The following LRRFIP1 variants were observed in gnomAD, a reference collection of about 807,000 sequenced individuals.
LRRFIP1 encodes LRR binding FLII interacting protein 1, also known as leucine-rich repeat flightless-interacting protein 1.
Under a neutral mutation model 104.4 loss-of-function variants are expected in LRRFIP1, and 62 were observed. The observed-to-expected ratio is 0.59, with a 90% CI of 0.48 to 0.73. The LOEUF (loss-of-function observed/expected upper bound fraction) is 0.73, where lower values mean the gene tolerates loss of function less well. Among genes scored for constraint, LRRFIP1 ranks in the 30% least tolerant of loss-of-function variants. LRRFIP1 has a pLI of 0.00. For synonymous variants in LRRFIP1, 300 were observed against 299.0 expected, an observed-to-expected ratio of 1.00 and a Z score of -0.03; for missense variants, 796 against 824.5, an observed-to-expected ratio of 0.97 and a Z score of 0.42.
intron 1 of LRRFIP1, among the ~76,000 whole-genome samples, chr2:237,701,975 C>T (rs1225518556): frequency 1.3e-5 from 2 of 152,130 alleles, no homozygotes; most frequent in Admixed American, 6.5e-5. Flanking sequence ...TGCCTATCTC[C>T]CCAGCTGGCC....
intron 19 of LRRFIP1, 70 bp downstream of exon 19, chr2:237,760,275 T>A: frequency 6.5e-7 from 1 of 1,546,768 alleles, no homozygotes. Flanking sequence ...CATGCACTGC[T>A]GGGGTTGGAG....
At chr2:237,752,784 A>G (rs892563) in intron 14 of LRRFIP1, among the ~76,000 whole-genome samples, 40,356 of 152,084 alleles carry the variant, frequency 0.27, 5,619 homozygotes, top group East Asian at 0.53. Context: ...TTTTCCTATG[A>G]GTCAAAAATC....
intron 1 of LRRFIP1, chr2:237,683,483 T>C (rs1022423062): frequency 6.6e-6 from 1 of 152,240 alleles, no homozygotes; most frequent in African/African-American, 2.4e-5. Context: ...TCTAAGATCT[T>C]CATTCTTCAA....
intron 23 of LRRFIP1, among the ~76,000 whole-genome samples, chr2:237,777,096 T>G (rs1050340906): frequency 6.6e-6 from 1 of 152,226 alleles, no homozygotes; most frequent in Non-Finnish European, 1.5e-5. Flanking sequence ...GAAGGACTTT[T>G]GAGCACTTTA....
chr2:237,708,038 C>G lies in LRRFIP1; in HGVS notation c.97-506C>G, dbSNP rs542001714. On this transcript the variant is annotated intron_variant, in intron 1 of 23. Coordinates refer to ENST00000308482, the MANE Select transcript of LRRFIP1 (RefSeq NM_001137550.2). ...GCCAGCCCTATGGCCTCAGATGGGT[C>G]TGGCAGCCTCTCCAGGCCTTCACTT... 2.6e-4 allele frequency among the ~76,000 whole-genome samples: 39 copies of G among 152,350 alleles called. No homozygotes were observed. In the South Asian group the frequency reaches 7.7e-3, roughly 30 times the overall value.
chr2:237,752,089 ACT>A (rs1427590009), intron 14 of LRRFIP1, among the ~76,000 whole-genome samples: 2 of 152,042 alleles, frequency 1.3e-5, no homozygotes, highest in Non-Finnish European at 2.9e-5. Flanking sequence ...GAAAAATAAG[ACT>A]CTGGCTTTCA....
intron 23 of LRRFIP1, among the ~76,000 whole-genome samples, chr2:237,775,976 TA>T (rs1457515549): frequency 6.6e-6 from 1 of 152,176 alleles, no homozygotes; most frequent in African/African-American, 2.4e-5. Context: ...TTTATTTATT[TA>T]TTTTTTTGAG....
At position 237,780,834 on chromosome 2, in the gene LRRFIP1, T is replaced by A. The variant is rs2061417287; in HGVS notation, c.*1302T>A. ...CAGCTGCGTTGCATTAAGAAAGAGA[T>A]GAAATCTCTATTAAAATACACAAGA... On this transcript the variant is annotated 3_prime_UTR_variant, in exon 24 of 24. Transcript: ENST00000308482. Among the ~76,000 whole-genome samples, 1 of 152,240 alleles carries A rather than the reference T, an allele frequency of 6.6e-6. No individual in the cohort carries two copies. The highest frequency in any genetic ancestry group is 2.4e-5 in the African/African-American group (1 of 41,470).
intron 1 of LRRFIP1, among the ~76,000 whole-genome samples, chr2:237,701,159 C>G (rs2093499603): frequency 6.6e-6 from 1 of 152,222 alleles, no homozygotes; most frequent in Non-Finnish European, 1.5e-5. Flanking sequence ...GCCCAGCGAG[C>G]CTCCCGCAGC....
chr2:237,639,331 G>A (rs957848669), intron 1 of LRRFIP1, among the ~76,000 whole-genome samples: 15 of 152,220 alleles, frequency 9.9e-5, no homozygotes, highest in African/African-American at 3.6e-4. Context: ...AATGGCTGTC[G>A]CTGTAAATAT....
At chr2:237,664,217 G>T (rs1047276691) in intron 1 of LRRFIP1, among the ~76,000 whole-genome samples, 1 of 152,244 alleles carries the variant, frequency 6.6e-6, no homozygotes, top group Non-Finnish European at 1.5e-5. Flanking sequence ...GGCTGGGGCC[G>T]CAGTGGGACT....
intron 6 of LRRFIP1, among the ~76,000 whole-genome samples, chr2:237,722,573 A>G (rs926927347): frequency 3.3e-5 from 5 of 152,180 alleles, no homozygotes; most frequent in African/African-American, 1.2e-4. Context: ...TTCCTATAGG[A>G]TGTTCACCAT....
intron 19 of LRRFIP1, among the ~76,000 whole-genome samples, chr2:237,767,944 TTGTC>T (rs1218044025): frequency 6.6e-6 from 1 of 152,222 alleles, no homozygotes; most frequent in Admixed American, 6.5e-5. Flanking sequence ...GGAGAAAACT[TTGTC>T]TTTCAAGAGG....
chr2:237,729,217 G>A (rs1385372075), intron 8 of LRRFIP1, among the ~76,000 whole-genome samples: 2 of 152,204 alleles, frequency 1.3e-5, no homozygotes, highest in Non-Finnish European at 2.9e-5. Context: ...ATGAGCCATG[G>A]CACCCGGCTG....
chr2:237,768,319 A>G (rs2060366832), intron 19 of LRRFIP1: 1 of 152,204 alleles, frequency 6.6e-6, no homozygotes, highest in South Asian at 2.1e-4. Context: ...ACCTATATCA[A>G]TTTTGCTTGC....
At chr2:237,684,217 A>C (rs1575450935) in intron 1 of LRRFIP1, 1 of 150,046 alleles carries the variant, frequency 6.7e-6, no homozygotes, top group South Asian at 2.1e-4. Flanking sequence ...CACACCTGTA[A>C]TCCCAGCACT....
chr2:237,714,442 C>G (rs2094242885), intron 3 of LRRFIP1, among the ~76,000 whole-genome samples, 166 bp downstream of exon 3: 1 of 152,220 alleles, frequency 6.6e-6, no homozygotes, highest in South Asian at 2.1e-4. Flanking sequence ...ATGCCTAGAT[C>G]CTCATCTTGC....
intron 1 of LRRFIP1, among the ~76,000 whole-genome samples, chr2:237,697,504 C>T (rs574817535): frequency 6.6e-6 from 1 of 152,188 alleles, no homozygotes; most frequent in African/African-American, 2.4e-5. Context: ...CCTCCCCTAC[C>T]TCATCCAAGT....
At chr2:237,752,697 G>C (rs757907014) in intron 14 of LRRFIP1, among the ~76,000 whole-genome samples, 1 of 152,224 alleles carries the variant, frequency 6.6e-6, no homozygotes, top group Admixed American at 6.5e-5. Context: ...TATTTTACAG[G>C]CCTCTTTCTC....
Sources: allele counts gnomAD v4.1 joint callset (sites outside exome capture counted in the v4.1 genomes callset), GRCh38; gene constraint gnomAD v4.1.1; transcripts MANE v1.5; gene names NCBI Gene and HGNC (gene_info 2026-07-23, HGNC 2026-07-21).